GPC3: variants seen among roughly 807,000 people sequenced by gnomAD.
GPC3 encodes glypican 3, also known as glypican-3.
Under a neutral mutation model 34.4 loss-of-function variants are expected in GPC3, and 3 were observed. That is an observed-to-expected ratio of 0.09 (90% CI 0.04 to 0.23). The LOEUF (loss-of-function observed/expected upper bound fraction) is 0.23, where lower values mean the gene tolerates loss of function less well. Ranked by LOEUF, GPC3 falls within the 10% of genes least tolerant of loss-of-function variation. The probability of loss-of-function intolerance (pLI) is 1.00; values close to 1 mark genes in which losing one functional copy is unlikely to be tolerated. For synonymous variants in GPC3, 177 were observed against 174.0 expected, an observed-to-expected ratio of 1.02 and a Z score of -0.13; for missense variants, 351 against 445.6, an observed-to-expected ratio of 0.79 and a Z score of 1.91.
intron 7 of GPC3, among the ~76,000 whole-genome samples, chrX:133,555,904 C>G (rs1352723967): frequency 9.0e-6 from 1 of 111,443 alleles, no homozygotes; most frequent in Non-Finnish European, 1.9e-5. Flanking sequence ...ATTCCCTTAA[C>G]TGCCCCTCCT....
Position 133,541,520 on chromosome X carries a change from C to A in GPC3, c.1574-5227G>T, listed in dbSNP as rs141031573. Among the ~76,000 whole-genome samples the A allele has an allele frequency of 3.1e-4, 35 of 112,245 alleles. 2 individuals are homozygous for A. In the East Asian group the frequency reaches 9.3e-3, roughly 30 times the overall value. On this transcript the variant is annotated intron_variant, in intron 7 of 7. Coordinates refer to ENST00000370818, the MANE Select transcript of GPC3 (RefSeq NM_004484.4). ...AGATTTTCATGCTAAATCCAAAAAT[C>A]TGTTTCTATTTGTAATCAGTTTAAC...
At chrX:133,730,768 A>C (rs1267023073) in intron 3 of GPC3, among the ~76,000 whole-genome samples, 1 of 111,547 alleles carries the variant, frequency 9.0e-6, no homozygotes, top group Non-Finnish European at 1.9e-5. Flanking sequence ...AAGTCTAAAA[A>C]TAAGCCTTAG....
chrX:133,754,162 C>T lies in GPC3; in HGVS notation c.352G>A (p.Val118Ile). ...GTGTAGTTCTTGGCATGGCGAACAA[C>T]AATTTCAAAGGCCTCTGTAAAAAAA... ...AAVFQEAFEIVVRHAKNYTNA... is the reference protein window; with the variant it reads ...AAVFQEAFEIIVRHAKNYTNA... Residue 118 changes from valine (V) to isoleucine (I), a missense_variant, in exon 3 of 8, where the codon GTT becomes ATT. Transcript: ENST00000370818. The T allele has an allele frequency of 1.0e-6, 1 of 973,898 alleles. No individual in the cohort carries two copies. The highest frequency in any genetic ancestry group is 1.4e-6 in the Non-Finnish European group (1 of 708,316). The allele number at this position is 973,898 out of a possible 1,213,427, so 80.3% of individuals were successfully genotyped here. A position where few individuals can be genotyped will look rare whatever the true frequency, so the allele number is the denominator to read the frequency against.
chrX:133,635,743 C>G (rs1434049488), intron 6 of GPC3, among the ~76,000 whole-genome samples: 1 of 109,413 alleles, frequency 9.1e-6, no homozygotes, highest in Non-Finnish European at 1.9e-5. Context: ...GATCCCTGAA[C>G]CTCACAAATC....
rs553218810 is a variant in GPC3, at chrX:133,900,211, T to A, written c.337+52839A>T. ...CAAAGTATTCAAGTAGGCAACCCCC[T>A]AGCAGAGATCCCTTTGTTTTTTGGC... is the stretch of plus-strand genomic sequence containing the variant. On this transcript the variant is annotated intron_variant, in intron 2 of 7. Coordinates refer to ENST00000370818, the MANE Select transcript of GPC3 (RefSeq NM_004484.4). 2.0e-4 allele frequency among the ~76,000 whole-genome samples: 22 copies of A among 112,760 alleles called. No homozygotes were observed. In the South Asian group the frequency reaches 7.8e-3, roughly 40 times the overall value.
intron 3 of GPC3, among the ~76,000 whole-genome samples, chrX:133,721,849 A>C (rs1374392341): frequency 8.9e-6 from 1 of 112,095 alleles, no homozygotes; most frequent in Non-Finnish European, 1.9e-5. Flanking sequence ...AAAATTTTGT[A>C]CATTTTTGTA....
chrX:133,971,904 C>A (rs187292686), intron 1 of GPC3, among the ~76,000 whole-genome samples: 182 of 111,441 alleles, frequency 1.6e-3, no homozygotes, highest in African/African-American at 5.4e-3. Context: ...CATTTTACCC[C>A]GAATTATTAG....
At chrX:133,721,566 TCCTTCATAAAC>T (rs2071367859) in intron 3 of GPC3, among the ~76,000 whole-genome samples, 1 of 111,479 alleles carries the variant, frequency 9.0e-6, no homozygotes, top group East Asian at 2.8e-4. Context: ...TTAACACCAA[TCCTTCATAAAC>T]TCTTCCCAAA....
At chrX:133,739,212 T>C (rs141918534) in intron 3 of GPC3, among the ~76,000 whole-genome samples, 134 of 111,215 alleles carry the variant, frequency 1.2e-3, no homozygotes, top group African/African-American at 4.2e-3. Context: ...ATGGGGATAT[T>C]AGTGTATTTG....
At chrX:133,799,067 G>A (rs1263499721) in intron 2 of GPC3, among the ~76,000 whole-genome samples, 4 of 112,123 alleles carry the variant, frequency 3.6e-5, no homozygotes, top group African/African-American at 9.7e-5. Flanking sequence ...GCTTCTGAGT[G>A]CAGGGCTTTG....
intron 2 of GPC3, among the ~76,000 whole-genome samples, chrX:133,927,131 C>T (rs1443980104): frequency 9.0e-6 from 1 of 110,977 alleles, no homozygotes; most frequent in Non-Finnish European, 1.9e-5. Flanking sequence ...TTCCCTTTGG[C>T]ACTGTAAGAG....
chrX:133,754,237 G>A, intron 2 of GPC3, 61 bp from the exon 3 acceptor site: 1 of 885,117 alleles, frequency 1.1e-6, no homozygotes, highest in East Asian at 3.1e-5. Context: ...TGAAAATCCA[G>A]TGTGAAAATG....
chrX:133,628,416 G>A (rs1458051826), intron 6 of GPC3, among the ~76,000 whole-genome samples: 4 of 111,906 alleles, frequency 3.6e-5, no homozygotes. Flanking sequence ...AGCACTTTGG[G>A]AGGCTGAGGC....
rs1354997751 is a variant in GPC3 at position 133,829,274 on chromosome X, T to C, written c.338-75098A>G. ...TTATTCCATCAAAAAGATATAACAA[T>C]TATAAGCATATATGAATTTGATAAC... On this transcript the variant is annotated intron_variant, in intron 2 of 7. Transcript: ENST00000370818. 4.5e-5 allele frequency among the ~76,000 whole-genome samples: 5 copies of C among 112,358 alleles called. No homozygotes were observed. The East Asian group carries it at 1.1e-3, about 25-fold the overall frequency.
chrX:133,671,173 T>C (rs1603218656), intron 5 of GPC3: 1 of 1,137,854 alleles, frequency 8.8e-7, no homozygotes, highest in South Asian at 1.8e-5. Flanking sequence ...TCAGAACTCA[T>C]TTTGGTGGTG....
At chrX:133,864,632 TG>T (rs1340212707) in intron 2 of GPC3, among the ~76,000 whole-genome samples, 2 of 112,658 alleles carry the variant, frequency 1.8e-5, no homozygotes, top group African/African-American at 6.5e-5. Flanking sequence ...ACAGATTGGC[TG>T]TATTTCCCAA....
chrX:133,556,769 TG>T (rs1208165315), intron 7 of GPC3, among the ~76,000 whole-genome samples: 3 of 49,600 alleles, frequency 6.0e-5, no homozygotes, highest in African/African-American at 1.8e-4. Context: ...TTAAAGTTTT[TG>T]GGGGGGTGGG....
At chrX:133,763,292 A>G in intron 2 of GPC3, 1 of 562,941 alleles carries the variant, frequency 1.8e-6, no homozygotes, top group Non-Finnish European at 3.2e-6. Flanking sequence ...TGCAACAACA[A>G]GGGAGCTCAC....
At chrX:133,659,720 T>C (rs773890506) in intron 6 of GPC3, among the ~76,000 whole-genome samples, 1 of 111,960 alleles carries the variant, frequency 8.9e-6, no homozygotes, top group African/African-American at 3.2e-5. Flanking sequence ...TAAGGTCTGT[T>C]GACACAAGGG....
Sources: allele counts gnomAD v4.1 joint callset (sites outside exome capture counted in the v4.1 genomes callset), GRCh38; gene constraint gnomAD v4.1.1; transcripts MANE v1.5; gene names NCBI Gene and HGNC (gene_info 2026-07-23, HGNC 2026-07-21).